Variants in NEMF observed in about 807,000 individuals in gnomAD.
NEMF encodes nuclear export mediator factor.
Under a neutral mutation model 162.2 loss-of-function variants are expected in NEMF, and 89 were observed. The observed-to-expected ratio is 0.55, with a 90% CI of 0.46 to 0.65. The LOEUF is 0.65. Among genes scored for constraint, NEMF ranks in the 30% least tolerant of loss-of-function variants. The pLI is 0.00. For synonymous variants in NEMF, 421 were observed against 404.5 expected, an observed-to-expected ratio of 1.04 and a Z score of -0.49; for missense variants, 1,133 against 1,261.9, an observed-to-expected ratio of 0.90 and a Z score of 1.55.
At chr14:49,802,608 C>A (rs370325483) in intron 21 of NEMF, 35 bp from the exon 22 acceptor site, 1 of 1,611,708 alleles carries the variant, frequency 6.2e-7, no homozygotes, top group South Asian at 1.1e-5. Flanking sequence ...GACGGAGCTT[C>A]AGACAAGACT....
intron 8 of NEMF, 79 bp downstream of exon 8, chr14:49,833,344 A>G (rs1405664849): frequency 3.9e-6 from 3 of 773,706 alleles, no homozygotes; most frequent in Non-Finnish European, 2.1e-6. Context: ...ATGTATATAT[A>G]ATGATCCTTT....
chr14:49,835,154 C>T (rs1374855326), intron 6 of NEMF, among the ~76,000 whole-genome samples: 19 of 150,158 alleles, frequency 1.3e-4, no homozygotes, highest in Non-Finnish European at 2.4e-4. Context: ...GAGCCAAGAT[C>T]GTGCCATTGC....
chr14:49,796,226 T>C (rs1285539946), intron 25 of NEMF: 2 of 508,432 alleles, frequency 3.9e-6, no homozygotes, highest in Non-Finnish European at 3.8e-6. Flanking sequence ...ATTTTGCCCC[T>C]GATCACCTTG....
In NEMF at chr14:49,838,177, TTAG is replaced by T. The variant is rs1184965328; in HGVS notation, c.533_535del (p.Pro178_Lys179delinsGln). 2 of 1,613,878 alleles carry T rather than the reference TTAG, an allele frequency of 1.2e-6. No individual in the cohort carries two copies. Among genetic ancestry groups the T allele is most frequent in the African/African-American group, 2.7e-5 (2 of 74,954 alleles). On this transcript the variant is annotated inframe_deletion, in exon 6 of 33. Transcript: ENST00000298310. ...AAGCACCCTCTTCAGTAGTTCACCC[TTAG>T]GTGCGCTGGCTACTATTTCAGTCAA...
chr14:49,803,069 A>G (rs1209326264), intron 20 of NEMF, among the ~76,000 whole-genome samples, 168 bp downstream of exon 20: 1 of 152,188 alleles, frequency 6.6e-6, no homozygotes, highest in Non-Finnish European at 1.5e-5. Context: ...AGATATGACA[A>G]ACACTAAACT....
chr14:49,794,576 G>A (rs931144191), intron 26 of NEMF, among the ~76,000 whole-genome samples: 5 of 141,978 alleles, frequency 3.5e-5, no homozygotes, highest in Non-Finnish European at 6.0e-5. Context: ...CCTGTAAATA[G>A]CCACTACACT....
chr14:49,820,809 G>A (rs538562129), intron 16 of NEMF, among the ~76,000 whole-genome samples: 239 of 152,162 alleles, frequency 1.6e-3, no homozygotes, highest in African/African-American at 5.4e-3. Flanking sequence ...TGGTGGAGAT[G>A]GGGTTTCGCT....
At chr14:49,832,313 T>C in intron 8 of NEMF, 36 bp from the exon 9 acceptor site, 1 of 1,352,724 alleles carries the variant, frequency 7.4e-7, no homozygotes, top group Non-Finnish European at 1.0e-6. Flanking sequence ...TTCCTATTCA[T>C]AATTAACAAA....
chr14:49,789,644 AT>A, intron 26 of NEMF, 71 bp from the exon 27 acceptor site: 1 of 1,563,926 alleles, frequency 6.4e-7, no homozygotes, highest in South Asian at 1.2e-5. Context: ...TTGCAAAGAA[AT>A]GGTGTTACTT....
intron 16 of NEMF, chr14:49,820,519 G>A (rs988915791): frequency 2.0e-5 from 9 of 456,248 alleles, no homozygotes; most frequent in South Asian, 9.3e-5. Context: ...CTATAATCCC[G>A]GCACTTTGGA....
intron 19 of NEMF, among the ~76,000 whole-genome samples, chr14:49,803,825 T>C (rs1891066972): frequency 6.6e-6 from 1 of 151,814 alleles, no homozygotes; most frequent in Non-Finnish European, 1.5e-5. Flanking sequence ...TGCCCGGCAA[T>C]AATTTTCAAA....
At chr14:49,829,476 T>C (rs756304029) in intron 11 of NEMF, 50 bp from the exon 12 acceptor site, 2 of 1,424,346 alleles carry the variant, frequency 1.4e-6, no homozygotes, top group Non-Finnish European at 1.9e-6. Flanking sequence ...TCCTACCTCA[T>C]GACATCCCTC....
intron 6 of NEMF, among the ~76,000 whole-genome samples, chr14:49,836,554 G>A (rs982624126): frequency 6.6e-6 from 1 of 152,072 alleles, no homozygotes; most frequent in Non-Finnish European, 1.5e-5. Flanking sequence ...GGCTGAGGCA[G>A]GAGATGGCCT....
chr14:49,786,981 G>C (rs905155841), intron 28 of NEMF: 9 of 457,432 alleles, frequency 2.0e-5, no homozygotes, highest in Non-Finnish European at 3.5e-5. Flanking sequence ...AAGAGAAGAA[G>C]GGTAGTTCTC....
At chr14:49,813,192 T>G (rs968201295) in intron 18 of NEMF, among the ~76,000 whole-genome samples, 1 of 152,182 alleles carries the variant, frequency 6.6e-6, no homozygotes, top group Non-Finnish European at 1.5e-5. Context: ...ATCTAAAACT[T>G]TCTGAGTGCA....
chr14:49,807,585 T>A (rs1284436752), intron 18 of NEMF, among the ~76,000 whole-genome samples: 1 of 151,258 alleles, frequency 6.6e-6, no homozygotes, highest in Non-Finnish European at 1.5e-5. Context: ...TAAAGTGGTA[T>A]CTTGTGATTT....
chr14:49,849,843 A>C (rs1893685199), intron 3 of NEMF: 1 of 152,230 alleles, frequency 6.6e-6, no homozygotes, highest in Non-Finnish European at 1.5e-5. Context: ...GACAGGCCCC[A>C]AAAGAACTAT....
intron 3 of NEMF, among the ~76,000 whole-genome samples, chr14:49,850,133 C>G (rs559456769): frequency 2.6e-5 from 4 of 151,922 alleles, no homozygotes; most frequent in African/African-American, 4.8e-5. Context: ...GATGGAGTCT[C>G]GCTCTGTCGC....
Position 49,798,824 on chromosome 14 carries a change from G to A in NEMF, c.2465+651C>T, listed in dbSNP as rs370609561. Among the ~76,000 whole-genome samples, 21 of 151,816 alleles carry A rather than the reference G, an allele frequency of 1.4e-4. No individual in the cohort carries two copies. The East Asian group carries it at 2.7e-3, about 20-fold the overall frequency. On this transcript the variant is annotated intron_variant, in intron 25 of 32. Transcript: ENST00000298310. ...CGGGAGGCTGAGGCAGGAGAACGGC[G>A]TGAACCCGGGAGGTGGGGCTTGCAG...
Sources: allele counts gnomAD v4.1 joint callset (sites outside exome capture counted in the v4.1 genomes callset), GRCh38; gene constraint gnomAD v4.1.1; transcripts MANE v1.5; gene names NCBI Gene and HGNC (gene_info 2026-07-23, HGNC 2026-07-21).